LRP8: variants seen among roughly 807,000 people sequenced by gnomAD.
LRP8 encodes low-density lipoprotein receptor-related protein 8.
Under a neutral mutation model 111.6 loss-of-function variants are expected in LRP8, and 46 were observed. The ratio of observed to expected loss-of-function variants is 0.41; its 90% CI spans 0.33 to 0.53. The LOEUF is 0.53. Among genes scored for constraint, LRP8 ranks in the 20% least tolerant of loss-of-function variants. LRP8 has a pLI of 0.20. For synonymous variants in LRP8, 464 were observed against 511.2 expected, an observed-to-expected ratio of 0.91 and a Z score of 1.24; for missense variants, 959 against 1,297.4, an observed-to-expected ratio of 0.74 and a Z score of 4.01.
chr1:53,270,592 A>T (rs1167650370), intron 8 of LRP8, among the ~76,000 whole-genome samples: 3 of 152,206 alleles, frequency 2.0e-5, no homozygotes, highest in Non-Finnish European at 4.4e-5. Context: ...AGGAATGGGA[A>T]AACTAGACAA....
chr1:53,323,290 T>C (rs539363268), intron 2 of LRP8, among the ~76,000 whole-genome samples: 1 of 152,332 alleles, frequency 6.6e-6, no homozygotes, highest in African/African-American at 2.4e-5. Context: ...AGGTACTTCA[T>C]AGTGTTGCCC....
At chr1:53,304,439 G>A (rs1651573086) in intron 2 of LRP8, 1 of 152,278 alleles carries the variant, frequency 6.6e-6, no homozygotes, top group African/African-American at 2.4e-5. Context: ...GCCACCAGCA[G>A]CCTCCCCTCA....
In LRP8 at chr1:53,271,017, G is replaced by A; in HGVS notation, c.1252+11C>T. 6.2e-7 allele frequency: 1 copy of A among 1,613,976 alleles called. No individual in the cohort carries two copies. Among genetic ancestry groups the A allele is most frequent in the Non-Finnish European group, 8.5e-7 (1 of 1,180,024 alleles). On this transcript the variant is annotated intron_variant, in intron 8 of 18. Transcript: ENST00000306052. The stretch of plus-strand genomic sequence containing the variant: ...TTCAGAGCTGCCCCTCTGCCCTTGG[G>A]GTGTTCATACCAGCAGCCTTGCAGT...
At chr1:53,253,459 T>C (rs923400461) in intron 16 of LRP8, among the ~76,000 whole-genome samples, 7 of 152,072 alleles carry the variant, frequency 4.6e-5, no homozygotes, top group African/African-American at 1.7e-4. Context: ...TCATAACAGA[T>C]AAAATATAAG....
At position 53,289,560 on chromosome 1, in the gene LRP8, G is replaced by A; in HGVS notation, c.367+7C>T. The A allele has an allele frequency of 1.3e-6, 2 of 1,595,630 alleles. No individual in the cohort carries two copies. The highest frequency in any genetic ancestry group is 1.1e-5 in the South Asian group (1 of 88,144). On this transcript the variant is annotated splice_region_variant and intron_variant, in intron 3 of 18. Coordinates refer to ENST00000306052, the MANE Select transcript of LRP8 (RefSeq NM_004631.5). Reference sequence around the variant, plus strand: ...CACCCCCACCCAGACTGAGGGGCAGGACTCACTGCAAGTGGCCTCGGACTC... The same window carrying A: ...CACCCCCACCCAGACTGAGGGGCAGAACTCACTGCAAGTGGCCTCGGACTC...
chr1:53,273,921 G>T (rs1388007951), intron 6 of LRP8, among the ~76,000 whole-genome samples: 3 of 152,042 alleles, frequency 2.0e-5, no homozygotes, highest in Non-Finnish European at 4.4e-5. Flanking sequence ...GTCCTCCCAG[G>T]GCTTCTCTGT....
intron 2 of LRP8, among the ~76,000 whole-genome samples, chr1:53,311,242 G>A (rs773903755): frequency 6.6e-6 from 1 of 152,092 alleles, no homozygotes; most frequent in Non-Finnish European, 1.5e-5. Context: ...TAGTTTACAG[G>A]GAGGGCCCTG....
Position 53,289,025 on chromosome 1 carries a change from C to A in LRP8, c.367+542G>T, listed in dbSNP as rs1337679310. Among the ~76,000 whole-genome samples, 4 of 152,340 alleles carry A rather than the reference C, an allele frequency of 2.6e-5. No individual in the cohort carries two copies. In the East Asian group the frequency reaches 7.7e-4, roughly 29 times the overall value. On this transcript the variant is annotated intron_variant, in intron 3 of 18. Transcript: ENST00000306052. The stretch of plus-strand genomic sequence containing the variant: ...CAGGAGCTCCTAGGCTCAGCCCACC[C>A]AGGGTAGAGGAACGGGCCAGAGCCT...
At chr1:53,264,088 C>T in intron 10 of LRP8, 81 bp downstream of exon 10, 2 of 1,367,978 alleles carry the variant, frequency 1.5e-6, no homozygotes, top group East Asian at 2.4e-5. Context: ...TTTCTAGAAC[C>T]CTCAAGATAG....
intron 2 of LRP8, among the ~76,000 whole-genome samples, chr1:53,325,576 C>CA (rs1193107302): frequency 3.3e-5 from 5 of 152,222 alleles, no homozygotes; most frequent in African/African-American, 1.2e-4. Flanking sequence ...GACATAGACT[C>CA]AGTCAGTCTA....
intron 1 of LRP8, 120 bp from the exon 2 acceptor site, chr1:53,327,112 C>G: frequency 7.1e-7 from 1 of 1,402,318 alleles, no homozygotes; most frequent in African/African-American, 1.4e-5. Flanking sequence ...ATGGAGACCC[C>G]GGGGGCTTCA....
At chr1:53,326,698 A>G (rs2100559554) in intron 2 of LRP8, among the ~76,000 whole-genome samples, 175 bp downstream of exon 2, 1 of 152,278 alleles carries the variant, frequency 6.6e-6, no homozygotes, top group Admixed American at 6.5e-5. Flanking sequence ...CGGGTCGCTA[A>G]GAGCCACCCG....
intron 2 of LRP8, among the ~76,000 whole-genome samples, chr1:53,310,701 C>T (rs765765509): frequency 2.6e-5 from 4 of 152,238 alleles, no homozygotes; most frequent in South Asian, 2.1e-4. Context: ...TCGGGAAGAA[C>T]CAGAAAGAAC....
At chr1:53,319,295 CA>C (rs1462250975) in intron 2 of LRP8, among the ~76,000 whole-genome samples, 1 of 152,166 alleles carries the variant, frequency 6.6e-6, no homozygotes, top group African/African-American at 2.4e-5. Context: ...GGCCAGTGAC[CA>C]GGGGAGGATG....
chr1:53,256,031 T>G (rs1646074582), intron 15 of LRP8, among the ~76,000 whole-genome samples: 1 of 152,254 alleles, frequency 6.6e-6, no homozygotes, highest in Non-Finnish European at 1.5e-5. Flanking sequence ...ACTGTCTTTT[T>G]GAAAAACTAT....
intron 2 of LRP8, among the ~76,000 whole-genome samples, chr1:53,325,248 T>C (rs1279125825): frequency 1.3e-5 from 2 of 152,244 alleles, no homozygotes; most frequent in Admixed American, 6.5e-5. Context: ...ATGCTTAAGT[T>C]CAGGCTCCTA....
At chr1:53,264,804 A>G (rs1199184367) in intron 9 of LRP8, among the ~76,000 whole-genome samples, 1 of 152,184 alleles carries the variant, frequency 6.6e-6, no homozygotes, top group African/African-American at 2.4e-5. Flanking sequence ...AGGGAACAAG[A>G]AAGGCTTGTG....
Position 53,243,520 on chromosome 1 carries a change from T to G in LRP8, c.*3498A>C, listed in dbSNP as rs1645678039. The G allele has an allele frequency of 6.6e-6, 1 of 152,220 alleles. No homozygotes were observed. The highest frequency in any genetic ancestry group is 2.4e-5 in the African/African-American group (1 of 41,444). 9.4% of individuals were successfully genotyped at this position (152,220 alleles called of 1,614,324 possible). On this transcript the variant is annotated 3_prime_UTR_variant, in exon 19 of 19. Coordinates refer to ENST00000306052, the MANE Select transcript of LRP8 (RefSeq NM_004631.5). ...CCTAATGAATTTTCCATGATGCATG[T>G]AGTGCCTTGTACACAATGATCAAGA... is the stretch of plus-strand genomic sequence containing the variant.
rs753518573 is a variant in LRP8 at position 53,266,609 on chromosome 1, C to T, written c.1291G>A (p.Glu431Lys). The change falls in exon 9 of 19, where the codon GAG becomes AAG. Residue 431 changes from glutamate to lysine, a missense_variant. By Grantham distance (56) the Glu-to-Lys change is moderately conservative. This residue lies in a region of LRP8 where 819 missense variants were observed against 1,097.6 expected (regional missense o/e 0.75). Coordinates refer to ENST00000306052, the MANE Select transcript of LRP8 (RefSeq NM_004631.5). The surrounding 1 kb of genome is among the most constrained non-coding windows in gnomAD (Gnocchi z 5.0). ...SPSLIFTNRH[E>K]VRRIDLVKRN... Reference sequence around the variant, plus strand: ...TTCACCAGGTCGATCCTCCGCACCTCGTGCCGGTTGGTGAAGATTAGGGAT... The same window carrying T: ...TTCACCAGGTCGATCCTCCGCACCTTGTGCCGGTTGGTGAAGATTAGGGAT... The T allele has an allele frequency of 3.1e-6, 5 of 1,614,150 alleles. No homozygotes were observed. Among genetic ancestry groups the T allele is most frequent in the Admixed American group, 1.7e-5 (1 of 60,022 alleles).
Sources: gnomAD v4.1 joint callset for allele counts (sites outside exome capture counted in the v4.1 genomes callset) on GRCh38, gnomAD v4.1.1 for gene constraint, gnomAD v4.1.1 regional missense constraint, Gnocchi (gnomAD v3.1) non-coding constraint, MANE v1.5 for transcripts, NCBI Gene and HGNC (gene_info 2026-07-23, HGNC 2026-07-21) for gene names.